APOC1: variants seen among roughly 807,000 people sequenced by gnomAD.
APOC1 encodes apolipoprotein C-I.
A neutral mutation model predicts 6.7 loss-of-function variants in APOC1; 4 were observed. The ratio of observed to expected loss-of-function variants is 0.60; its 90% confidence interval spans 0.29 to 1.37. The LOEUF is 1.37. Among genes scored for constraint, APOC1 ranks in the 40% most tolerant of loss-of-function variants. The pLI, the probability that APOC1 is intolerant of heterozygous loss-of-function variation, is 0.09. For missense variants in APOC1, 122 were observed against 99.4 expected, an observed-to-expected ratio of 1.23 and a Z score of -0.97; for synonymous variants, 33 against 40.6, an observed-to-expected ratio of 0.81 and a Z score of 0.72.
At chr19:44,917,803 T>A (rs1450271268) in intron 3 of APOC1, among the ~76,000 whole-genome samples, 2 of 151,040 alleles carry the variant, frequency 1.3e-5, no homozygotes, top group Non-Finnish European at 3.0e-5. Context: ...GGAGAAACCC[T>A]GTCTCTACTA....
At chr19:44,915,141 G>C (rs1286734956) in intron 2 of APOC1, 192 bp downstream of exon 2, 1 of 614,916 alleles carries the variant, frequency 1.6e-6, no homozygotes. Context: ...CTGCGCAGGA[G>C]AGCACTAGCA....
chr19:44,918,226 C>A (rs1970041603), intron 3 of APOC1, among the ~76,000 whole-genome samples: 1 of 150,860 alleles, frequency 6.6e-6, no homozygotes, highest in Non-Finnish European at 1.5e-5. Flanking sequence ...CGAGACAGTG[C>A]CATTGCACTC....
At chr19:44,916,828 A>AC (rs1423205202) in intron 3 of APOC1, among the ~76,000 whole-genome samples, 32 of 144,646 alleles carry the variant, frequency 2.2e-4, no homozygotes, top group Admixed American at 1.3e-3. Context: ...AAAAAAAAAA[A>AC]AAAAAAACAA....
At position 44,914,657 on chromosome 19, in the gene APOC1, C is replaced by T. The variant is rs982704152; in HGVS notation, c.-97C>T. ...GGAGGGAGATCAACATCAACCTGCC[C>T]CGCCCCCTCCCCAGCCTGATAAAGG... On this transcript the variant is annotated 5_prime_UTR_variant, in exon 1 of 4. Transcript: ENST00000592535. The T allele has an allele frequency of 7.2e-6, 4 of 553,082 alleles. No individual in the cohort carries two copies. Among genetic ancestry groups the T allele is most frequent in the Middle Eastern group, 4.9e-4 (1 of 2,060 alleles). 34.3% of individuals were successfully genotyped at this position (553,082 alleles called of 1,614,324 possible).
intron 3 of APOC1, among the ~76,000 whole-genome samples, chr19:44,916,835 A>G (rs11673034): frequency 2.8e-5 from 4 of 144,586 alleles, no homozygotes; most frequent in Admixed American, 1.4e-4. Context: ...AAAAAAAAAA[A>G]CAAGATGGTC....
chr19:44,916,146 A>AAAAAAAAAC lies in APOC1; in HGVS notation c.59-36_59-35insCAAAAAAAA, dbSNP rs1555791335. On this transcript the variant is annotated intron_variant, in intron 2 of 3. Transcript: ENST00000592535. ...AGCAAGACTCCATCTCCAAAAAAAA[A>AAAAAAAAAC]AAAAAAAAAACAAATTTTGAACCCC... The AAAAAAAAAC allele has an allele frequency of 9.3e-6, 14 of 1,503,736 alleles. No individual in the cohort carries two copies. In the African/African-American group the frequency reaches 1.5e-4, roughly 16 times the overall value. 93.1% of individuals were successfully genotyped at this position (1,503,736 alleles called of 1,614,324 possible).
At position 44,919,079 on chromosome 19, in the gene APOC1, A is replaced by C. The variant is rs576573324; in HGVS notation, c.195-94A>C. ...CAGACAGTGGGGATGGAGATTCTGCAAGGGGAAGAGGTGGGAGTCAGGTAG... is the reference window on the plus strand; with the variant it reads ...CAGACAGTGGGGATGGAGATTCTGCCAGGGGAAGAGGTGGGAGTCAGGTAG... On this transcript the variant is annotated intron_variant, in intron 3 of 3. Transcript: ENST00000592535. The C allele has an allele frequency of 7.3e-6, 8 of 1,097,702 alleles. No individual in the cohort carries two copies. In the African/African-American group the frequency reaches 1.1e-4, roughly 15 times the overall value. The allele number at this position is 1,097,702 out of a possible 1,614,324, so 68.0% of individuals were successfully genotyped here. A position where few individuals can be genotyped will look rare whatever the true frequency, so the allele number is the denominator to read the frequency against.
At chr19:44,916,546 G>A (rs558762418) in intron 3 of APOC1, 14 of 616,650 alleles carry the variant, frequency 2.3e-5, no homozygotes, top group African/African-American at 1.5e-4. Context: ...GGCTGGGCAC[G>A]GTGGCTCATG....
chr19:44,914,800 G>A (rs965714774), intron 1 of APOC1, 67 bp downstream of exon 1: 2 of 1,317,322 alleles, frequency 1.5e-6, no homozygotes, highest in African/African-American at 1.5e-5. Context: ...AGGGAGATGA[G>A]GGGATCGTGG....
At chr19:44,916,845 C>T (rs1385277498) in intron 3 of APOC1, among the ~76,000 whole-genome samples, 2 of 136,488 alleles carry the variant, frequency 1.5e-5, no homozygotes, top group African/African-American at 2.7e-5. Flanking sequence ...ACAAGATGGT[C>T]TTGCCCAGGT....
chr19:44,915,102 T>G lies in APOC1; in HGVS notation c.58+153T>G, dbSNP rs138954121. 4.1e-3 allele frequency: 3,181 copies of G among 767,132 alleles called. 47 individuals carry two copies. The highest frequency in any genetic ancestry group is 0.028 in the South Asian group (1,779 of 62,838). The allele number at this position is 767,132 out of a possible 1,614,324, so 47.5% of individuals were successfully genotyped here. ...CGTGGTCGGGTGGGTCTCCAGGTTC[T>G]CCCAGGCTCAGTCCCGCAGGCGCCA... On this transcript the variant is annotated intron_variant, in intron 2 of 3. Coordinates refer to ENST00000592535, the MANE Select transcript of APOC1 (RefSeq NM_001645.5).
At chr19:44,916,586 G>A (rs1264910384) in intron 3 of APOC1, 4 of 540,144 alleles carry the variant, frequency 7.4e-6, no homozygotes, top group Admixed American at 3.8e-5. Flanking sequence ...GGGAGGCCGA[G>A]GTGGGCTGAT....
chr19:44,916,139 A>AAAAAAAAAAAC, intron 2 of APOC1, 51 bp from the exon 3 acceptor site: 2 of 1,089,958 alleles, frequency 1.8e-6, no homozygotes, highest in African/African-American at 3.2e-5. Flanking sequence ...TCCATCTCCA[A>AAAAAAAAAAAC]AAAAAAAAAA....
intron 2 of APOC1, chr19:44,915,293 C>A: frequency 1.4e-5 from 4 of 277,604 alleles, no homozygotes; most frequent in East Asian, 1.5e-4. Flanking sequence ...CCCACCAGGT[C>A]ACTCCAGTAT....
chr19:44,916,694 C>A (rs1340201923), intron 3 of APOC1, among the ~76,000 whole-genome samples: 1 of 150,508 alleles, frequency 6.6e-6, no homozygotes, highest in Non-Finnish European at 1.5e-5. Context: ...GTGGCGTGCA[C>A]CTGTAATCCC....
intron 2 of APOC1, chr19:44,915,245 G>C: frequency 2.1e-6 from 1 of 479,904 alleles, no homozygotes. Flanking sequence ...CTCTGGGAGA[G>C]GTCAGTGCTG....
chr19:44,919,114 T>C, intron 3 of APOC1, 59 bp from the exon 4 acceptor site: 3 of 1,458,884 alleles, frequency 2.1e-6, no homozygotes, highest in Non-Finnish European at 2.9e-6. Flanking sequence ...GCAGGCAGAA[T>C]TTGGACAGCC....
chr19:44,915,243 G>A, intron 2 of APOC1: 7 of 481,092 alleles, frequency 1.5e-5, no homozygotes, highest in Non-Finnish European at 2.7e-5. Flanking sequence ...GGCTCTGGGA[G>A]AGGTCAGTGC....
Position 44,919,153 on chromosome 19 carries a change from T to A in APOC1, c.195-20T>A. On this transcript the variant is annotated intron_variant, in intron 3 of 3. Coordinates refer to ENST00000592535, the MANE Select transcript of APOC1 (RefSeq NM_001645.5). ...GAGGTAGCTGCACACAGTGACCCCC[T>A]TCCTTATTCCTCCCCACAGGGAGTG... 6.2e-7 allele frequency: 1 copy of A among 1,611,268 alleles called. No homozygotes were observed. Among genetic ancestry groups the A allele is most frequent in the East Asian group, 2.2e-5 (1 of 44,864 alleles).
Sources: gnomAD v4.1 joint callset for allele counts (sites outside exome capture counted in the v4.1 genomes callset) on GRCh38, gnomAD v4.1.1 for gene constraint, MANE v1.5 for transcripts, NCBI Gene and HGNC (gene_info 2026-07-23, HGNC 2026-07-21) for gene names.